Variants in OTUD7B observed in about 807,000 individuals in gnomAD.
OTUD7B encodes the protein OTU deubiquitinase 7B, also known as OTU domain-containing protein 7B.
OTUD7B carries 34 observed loss-of-function variants against 82.2 expected under a neutral mutation model. The ratio of observed to expected loss-of-function variants is 0.41; its 90% confidence interval spans 0.31 to 0.55. The LOEUF (loss-of-function observed/expected upper bound fraction) is 0.55, where lower values mean the gene tolerates loss of function less well. Ranked by LOEUF, OTUD7B falls within the 20% of genes least tolerant of loss-of-function variation. OTUD7B has a pLI of 0.20. For synonymous variants in OTUD7B, 398 were observed against 402.7 expected (o/e 0.99, Z 0.14); for missense variants, 944 against 1,062.1 (o/e 0.89, Z 1.55).
At chr1:150,018,279 ACTGC>A in the OTUD7B span, among the ~76,000 whole-genome samples, 2 of 152,196 alleles carry the variant, frequency 1.3e-5, no homozygotes, top group Non-Finnish European at 2.9e-5. Context: ...AAAATAAAAC[ACTGC>A]CTATAGCAGG....
chr1:149,939,873 G>A lies in OTUD7B; in HGVS notation c.*3984C>T, dbSNP rs1198276196. On this transcript the variant is annotated 3_prime_UTR_variant, in exon 12 of 12. Transcript: ENST00000581312. ...GAACCCAGGAGACGGTGGTTGGAGT[G>A]AGCCGAGATTGCACCACTGCACTCC... The A allele has an allele frequency of 6.6e-6, 1 of 151,904 alleles. No homozygotes were observed. Among genetic ancestry groups the A allele is most frequent in the Admixed American group, 6.6e-5 (1 of 15,248 alleles). 9.4% of individuals were successfully genotyped at this position (151,904 alleles called of 1,614,324 possible).
rs587685362 is a variant in OTUD7B, at chr1:149,971,203, C to T, written c.134G>A (p.Arg45His). ...GGGTAGGTTTCCAGCATGGACTTGA[C>T]GTAGCTGTTCAAAATCACTGAGGGC... ...NAALSDFEQL[R>H]QVHAGNLPPS... The change falls in exon 3 of 12, where the codon CGT becomes CAT. Residue 45 changes from arginine to histidine, a missense_variant. Transcript: ENST00000581312. 2.0e-5 allele frequency: 32 copies of T among 1,613,222 alleles called. 1 individual carries two copies. The East Asian group carries it at 3.3e-4, about 17-fold the overall frequency.
intron 1 of OTUD7B, among the ~76,000 whole-genome samples, chr1:150,001,015 G>T (rs1652247559): frequency 1.3e-5 from 2 of 151,970 alleles, no homozygotes; most frequent in Admixed American, 1.3e-4. Flanking sequence ...AATAAATAAA[G>T]ATGTGGCGGG....
chr1:150,030,255 C>T, the OTUD7B span, among the ~76,000 whole-genome samples: 1 of 152,142 alleles, frequency 6.6e-6, no homozygotes, highest in Non-Finnish European at 1.5e-5. Context: ...AAAATTGAGG[C>T]CTTGGTGTGG....
intron 11 of OTUD7B, among the ~76,000 whole-genome samples, chr1:149,946,958 C>T (rs1647805486): frequency 6.6e-6 from 1 of 152,074 alleles, no homozygotes; most frequent in African/African-American, 2.4e-5. Context: ...GAGGCTGAGG[C>T]AGGAGAATCG....
intron 1 of OTUD7B, among the ~76,000 whole-genome samples, chr1:149,981,748 C>T (rs1477922101): frequency 6.6e-6 from 1 of 152,184 alleles, no homozygotes; most frequent in Non-Finnish European, 1.5e-5. Context: ...AAATTCGCTT[C>T]TGCTATCTTT....
chr1:150,064,545 T>G, the OTUD7B span, among the ~76,000 whole-genome samples: 2 of 152,198 alleles, frequency 1.3e-5, 1 homozygote, highest in South Asian at 4.2e-4. Context: ...ATTTTTAAAT[T>G]TTGTGTAGAG....
chr1:150,061,833 G>C, the OTUD7B span, among the ~76,000 whole-genome samples: 36 of 152,306 alleles, frequency 2.4e-4, no homozygotes, highest in African/African-American at 7.5e-4. Flanking sequence ...TCTATTCACT[G>C]TAAGTTTCCT....
intron 1 of OTUD7B, among the ~76,000 whole-genome samples, chr1:149,983,000 G>A (rs1553780086): frequency 1.3e-5 from 2 of 151,660 alleles, no homozygotes; most frequent in South Asian, 2.1e-4. Flanking sequence ...GACTACAGGC[G>A]CCTGCCACCA....
Position 149,973,658 on chromosome 1 carries a change from G to A in OTUD7B, c.86-2407C>T, listed in dbSNP as rs587732360. ...GTGCCACCATTCCTGGCTAATTTTT[G>A]TATTTTTAGTGGAGATGGGGCTTCA... On this transcript the variant is annotated intron_variant, in intron 2 of 11. Coordinates refer to ENST00000581312, the MANE Select transcript of OTUD7B (RefSeq NM_020205.4). Among the ~76,000 whole-genome samples, 104 of 151,458 alleles carry A rather than the reference G, an allele frequency of 6.9e-4. 1 individual carries two copies. The highest frequency in any genetic ancestry group is 2.4e-3 in the African/African-American group (99 of 41,252).
chr1:150,042,104 ACCCTCCCTCCCTCCCTCCCTCCCTCCCT>A, the OTUD7B span, among the ~76,000 whole-genome samples: 1 of 55,888 alleles, frequency 1.8e-5, no homozygotes. Flanking sequence ...AGAGGTGCAG[ACCCTCCCTCCCTCCCTCCCTCCCTCCCT>A]CCCTCCCTCC....
intron 11 of OTUD7B, among the ~76,000 whole-genome samples, chr1:149,945,992 G>A (rs1243159133): frequency 2.6e-5 from 4 of 152,010 alleles, no homozygotes; most frequent in East Asian, 1.9e-4. Flanking sequence ...CCCAGGAGGC[G>A]GAGGTTGCAA....
chr1:150,045,577 T>G, the OTUD7B span, among the ~76,000 whole-genome samples: 18 of 152,332 alleles, frequency 1.2e-4, 2 homozygotes, highest in East Asian at 7.7e-4. Flanking sequence ...GAAAGTTAAT[T>G]TATTTTCTAG....
chr1:150,025,728 G>A, the OTUD7B span, among the ~76,000 whole-genome samples: 58 of 152,284 alleles, frequency 3.8e-4, 1 homozygote, highest in Middle Eastern at 0.017. Context: ...ATTGGGTCAG[G>A]TGACCATCCT....
chr1:150,037,494 T>C, the OTUD7B span, among the ~76,000 whole-genome samples: 1 of 152,234 alleles, frequency 6.6e-6, no homozygotes, highest in Non-Finnish European at 1.5e-5. Flanking sequence ...TTCATATATT[T>C]TCCTTTTTTA....
intron 1 of OTUD7B, among the ~76,000 whole-genome samples, chr1:150,007,826 T>A (rs1459436398): frequency 6.6e-6 from 1 of 152,224 alleles, no homozygotes; most frequent in Non-Finnish European, 1.5e-5. Flanking sequence ...CAAAAAAGAT[T>A]CCACAGTCTG....
At position 149,988,695 on chromosome 1, in the gene OTUD7B, T is replaced by C. The variant is rs149950803; in HGVS notation, c.-66-11119A>G. On this transcript the variant is annotated intron_variant, in intron 1 of 11. Coordinates refer to ENST00000581312, the MANE Select transcript of OTUD7B (RefSeq NM_020205.4). ...TAGAAACAAGAATCATGTCAATGTT[T>C]ATTTTTTTTAGATCCAGACCAGCAT... Among the ~76,000 whole-genome samples, 420 of 152,360 alleles carry C rather than the reference T, an allele frequency of 2.8e-3. 6 individuals are homozygous for C. In the South Asian group the frequency reaches 0.034, roughly 12 times the overall value.
the OTUD7B span, among the ~76,000 whole-genome samples, chr1:150,044,910 A>AG: frequency 4.0e-5 from 6 of 150,156 alleles, no homozygotes; most frequent in African/African-American, 1.5e-4. Flanking sequence ...CAGGGGAAAA[A>AG]AAGAAACTCA....
At chr1:149,981,342 G>C (rs1374012335) in intron 1 of OTUD7B, among the ~76,000 whole-genome samples, 1 of 152,122 alleles carries the variant, frequency 6.6e-6, no homozygotes, top group African/African-American at 2.4e-5. Flanking sequence ...TGGATACAAG[G>C]TCTGACAGGG....
Sources: gnomAD v4.1 joint callset for allele counts (sites outside exome capture counted in the v4.1 genomes callset) on GRCh38, gnomAD v4.1.1 for gene constraint, MANE v1.5 for transcripts, NCBI Gene and HGNC (gene_info 2026-07-23, HGNC 2026-07-21) for gene names.